The following TCERG1L variants were observed in gnomAD, a reference collection of about 807,000 sequenced individuals.
The protein encoded by TCERG1L is transcription elongation regulator 1 like.
In TCERG1L, 37 loss-of-function variants were observed where a neutral mutation model predicts 56.3. That is an observed-to-expected ratio of 0.66 (90% CI 0.51 to 0.87). TCERG1L has a LOEUF of 0.87. Ranked by LOEUF, TCERG1L falls within the 40% of genes least tolerant of loss-of-function variation. The probability of loss-of-function intolerance (pLI) is 0.00; values close to 1 mark genes in which losing one functional copy is unlikely to be tolerated. For synonymous variants in TCERG1L, 324 were observed against 326.3 expected (o/e 0.99, Z 0.08); for missense variants, 799 against 774.2 (o/e 1.03, Z -0.38).
intron 4 of TCERG1L, among the ~76,000 whole-genome samples, chr10:131,216,320 G>A (rs1845668411): frequency 6.6e-6 from 1 of 152,114 alleles, no homozygotes; most frequent in South Asian, 2.1e-4. Context: ...GAGCCCATAG[G>A]CATCACTTTG....
intron 4 of TCERG1L, among the ~76,000 whole-genome samples, chr10:131,200,487 T>C (rs1845419487): frequency 6.6e-6 from 1 of 152,224 alleles, no homozygotes; most frequent in Admixed American, 6.5e-5. Context: ...TTGGATCAGC[T>C]ACTCTTTCCT....
At chr10:131,166,578 G>T (rs892475471) in intron 5 of TCERG1L, among the ~76,000 whole-genome samples, 3 of 152,234 alleles carry the variant, frequency 2.0e-5, no homozygotes, top group Non-Finnish European at 2.9e-5. Flanking sequence ...GAGTCCCCCA[G>T]GGAGCTTCAG....
chr10:131,144,599 G>T (rs1181547954), intron 7 of TCERG1L, among the ~76,000 whole-genome samples: 4 of 152,002 alleles, frequency 2.6e-5, no homozygotes, highest in Non-Finnish European at 5.9e-5. Context: ...AAAAAAGACT[G>T]GTTGAAAACA....
chr10:131,284,793 A>G (rs1235361896), intron 3 of TCERG1L, among the ~76,000 whole-genome samples: 11 of 152,188 alleles, frequency 7.2e-5, no homozygotes, highest in Admixed American at 7.2e-4. Flanking sequence ...AGATGCAAGT[A>G]TAAATTCTAG....
At chr10:131,166,354 A>G (rs1846030726) in intron 5 of TCERG1L, among the ~76,000 whole-genome samples, 2 of 152,268 alleles carry the variant, frequency 1.3e-5, no homozygotes, top group African/African-American at 4.8e-5. Flanking sequence ...GGACTGTACT[A>G]TTGAAAACAC....
intron 4 of TCERG1L, among the ~76,000 whole-genome samples, chr10:131,257,033 GAAA>G: frequency 7.1e-6 from 1 of 141,514 alleles, no homozygotes; most frequent in African/African-American, 2.6e-5. Context: ...AAGAAAGAAA[GAAA>G]GAAAGAAAGA....
intron 9 of TCERG1L, among the ~76,000 whole-genome samples, chr10:131,108,481 C>A (rs1845376544): frequency 1.3e-5 from 1 of 75,074 alleles, no homozygotes; most frequent in Non-Finnish European, 3.1e-5. Context: ...CTTCTACCAC[C>A]CTTGCTTCCT....
intron 8 of TCERG1L, among the ~76,000 whole-genome samples, chr10:131,124,405 C>T (rs1332197492): frequency 6.6e-6 from 1 of 152,224 alleles, no homozygotes; most frequent in African/African-American, 2.4e-5. Context: ...CACCGCAGAC[C>T]TTGCCCTTCG....
intron 4 of TCERG1L, among the ~76,000 whole-genome samples, chr10:131,180,651 C>T (rs540139527): frequency 6.6e-5 from 10 of 152,078 alleles, no homozygotes; most frequent in East Asian, 1.9e-4. Flanking sequence ...GTGTTGGAGC[C>T]GTAAAGTTAA....
intron 4 of TCERG1L, among the ~76,000 whole-genome samples, chr10:131,242,487 G>A (rs188985780): frequency 4.6e-5 from 7 of 152,190 alleles, no homozygotes; most frequent in African/African-American, 7.2e-5. Flanking sequence ...GTCAAGGTGC[G>A]GGTTTCACTC....
At chr10:131,136,168 C>T (rs951112641) in intron 7 of TCERG1L, among the ~76,000 whole-genome samples, 2 of 152,228 alleles carry the variant, frequency 1.3e-5, no homozygotes, top group East Asian at 3.9e-4. Flanking sequence ...ACTGGGGGGC[C>T]ATGGAAGGGA....
At chr10:131,225,553 G>A (rs1392912104) in intron 4 of TCERG1L, among the ~76,000 whole-genome samples, 1 of 152,142 alleles carries the variant, frequency 6.6e-6, no homozygotes, top group Non-Finnish European at 1.5e-5. Context: ...GATGCATTTC[G>A]ATTGATTTCA....
intron 3 of TCERG1L, among the ~76,000 whole-genome samples, chr10:131,299,782 T>C (rs576731297): frequency 1.1e-4 from 17 of 152,268 alleles, no homozygotes; most frequent in East Asian, 9.6e-4. Flanking sequence ...TAGCACATAA[T>C]GTATAGTACA....
At chr10:131,239,447 A>G (rs990663399) in intron 4 of TCERG1L, among the ~76,000 whole-genome samples, 4 of 152,234 alleles carry the variant, frequency 2.6e-5, no homozygotes, top group African/African-American at 7.2e-5. Context: ...CTGCTTATTT[A>G]TTTATTACCT....
intron 8 of TCERG1L, among the ~76,000 whole-genome samples, chr10:131,130,804 G>T (rs962280368): frequency 6.6e-6 from 1 of 152,014 alleles, no homozygotes. Flanking sequence ...GATCAGTGGT[G>T]GGGGAGTCAC....
At chr10:131,115,660 T>A (rs1845453387) in intron 9 of TCERG1L, among the ~76,000 whole-genome samples, 1 of 152,134 alleles carries the variant, frequency 6.6e-6, no homozygotes, top group Non-Finnish European at 1.5e-5. Context: ...GAGTAAATGA[T>A]GAAATACATA....
intron 3 of TCERG1L, among the ~76,000 whole-genome samples, chr10:131,298,902 G>A (rs1282170050): frequency 1.3e-5 from 2 of 152,180 alleles, no homozygotes; most frequent in Non-Finnish European, 2.9e-5. Context: ...ATTCACAGAT[G>A]AGCTTCCATG....
chr10:131,272,442 C>T (rs941614578), intron 3 of TCERG1L, among the ~76,000 whole-genome samples: 4 of 152,202 alleles, frequency 2.6e-5, no homozygotes, highest in Non-Finnish European at 4.4e-5. Context: ...AATAATCCTA[C>T]AAACTGGGCT....
chr10:131,126,665 T>G (rs1256223441), intron 8 of TCERG1L, among the ~76,000 whole-genome samples: 2 of 152,214 alleles, frequency 1.3e-5, no homozygotes, highest in Non-Finnish European at 2.9e-5. Flanking sequence ...AGGAGGCCCT[T>G]GAGCACCTCC....
Sources: gnomAD v4.1 joint callset for allele counts (sites outside exome capture counted in the v4.1 genomes callset) on GRCh38, gnomAD v4.1.1 for gene constraint, MANE v1.5 for transcripts, NCBI Gene and HGNC (gene_info 2026-07-23, HGNC 2026-07-21) for gene names.